The following FCHO2 variants were observed in gnomAD, a reference collection of about 807,000 sequenced individuals.
FCHO2 encodes FCH and mu domain containing endocytic adaptor 2, also known as F-BAR domain only protein 2.
In FCHO2, 43 loss-of-function variants were observed where a neutral mutation model predicts 114.1. The observed-to-expected ratio is 0.38, with a 90% CI of 0.30 to 0.49. The LOEUF is 0.49. Among genes scored for constraint, FCHO2 ranks in the 20% least tolerant of loss-of-function variants. FCHO2 has a pLI of 0.97. For missense variants in FCHO2, 807 were observed against 950.4 expected (o/e 0.85, Z 1.98); for synonymous variants, 293 against 315.2 (o/e 0.93, Z 0.75).
At chr5:73,084,816 G>A (rs1743240014) in intron 24 of FCHO2, among the ~76,000 whole-genome samples, 1 of 152,082 alleles carries the variant, frequency 6.6e-6, no homozygotes, top group South Asian at 2.1e-4. Flanking sequence ...CTTTTTTGCT[G>A]TTTGGTACTT....
At chr5:73,000,842 A>G (rs571016276) in intron 5 of FCHO2, among the ~76,000 whole-genome samples, 1 of 152,186 alleles carries the variant, frequency 6.6e-6, no homozygotes, top group South Asian at 2.1e-4. Context: ...TCCTAGTCTC[A>G]AGCCATCTTC....
At chr5:73,059,761 T>TA (rs1757766604) in intron 17 of FCHO2, among the ~76,000 whole-genome samples, 1 of 152,022 alleles carries the variant, frequency 6.6e-6, no homozygotes, top group Admixed American at 6.6e-5. Context: ...AGTGGCTTTA[T>TA]AGCCTTTCTC....
intron 5 of FCHO2, among the ~76,000 whole-genome samples, chr5:73,001,123 A>G (rs776603679): frequency 3.3e-5 from 5 of 151,586 alleles, no homozygotes; most frequent in Non-Finnish European, 5.9e-5. Flanking sequence ...CTGGTGGGGC[A>G]TGGTGGCTCA....
chr5:73,051,692 A>G (rs902884062), intron 12 of FCHO2, among the ~76,000 whole-genome samples: 4 of 151,464 alleles, frequency 2.6e-5, no homozygotes, highest in South Asian at 2.1e-4. Flanking sequence ...TCAGTCCCCC[A>G]AGTAGCTTGG....
intron 9 of FCHO2, 102 bp downstream of exon 9, chr5:73,034,803 T>TTCCATTCCATAGGTATGCTG: frequency 1.1e-6 from 1 of 883,408 alleles, no homozygotes; most frequent in Non-Finnish European, 1.7e-6. Flanking sequence ...GGTGTCAGCA[T>TTCCATTCCATAGGTATGCTG]ACCTATGGAA....
In FCHO2 at chr5:73,088,898, T is replaced by G. The variant is rs560364396; in HGVS notation, c.*808T>G. Reference sequence around the variant, plus strand: ...CAGAGATGTGCCTATACAATTTGTGTTCATTAATGTGCCTCACTTTTTTTC... The same window carrying G: ...CAGAGATGTGCCTATACAATTTGTGGTCATTAATGTGCCTCACTTTTTTTC... On this transcript the variant is annotated 3_prime_UTR_variant, in exon 26 of 26. Coordinates refer to ENST00000430046, the MANE Select transcript of FCHO2 (RefSeq NM_138782.3). 3.1e-4 allele frequency: 47 copies of G among 152,736 alleles called. No homozygotes were observed. Among genetic ancestry groups the G allele is most frequent in the African/African-American group, 1.1e-3 (47 of 41,578 alleles). The allele number at this position is 152,736 out of a possible 1,614,324, so 9.5% of individuals were successfully genotyped here.
intron 8 of FCHO2, among the ~76,000 whole-genome samples, chr5:73,033,640 A>C (rs1011431044): frequency 4.6e-5 from 7 of 152,120 alleles, no homozygotes; most frequent in African/African-American, 1.7e-4. Context: ...ACCATTAATA[A>C]ATTAAAAATT....
rs555062994 is a variant in FCHO2, at chr5:73,079,228, T to C, written c.1980+916T>C. Reference sequence around the variant, plus strand: ...AGTCTTCCAGCCTTAGCCTCCCGAGTGACTGGGACTAAAGGCACAAACCAC... The same window carrying C: ...AGTCTTCCAGCCTTAGCCTCCCGAGCGACTGGGACTAAAGGCACAAACCAC... On this transcript the variant is annotated intron_variant, in intron 22 of 25. Transcript: ENST00000430046. Among the ~76,000 whole-genome samples the C allele has an allele frequency of 4.6e-5, 7 of 152,092 alleles. No individual in the cohort carries two copies. The East Asian group carries it at 1.4e-3, about 29-fold the overall frequency.
At chr5:72,977,769 T>G (rs1049086456) in intron 2 of FCHO2, among the ~76,000 whole-genome samples, 3 of 152,208 alleles carry the variant, frequency 2.0e-5, no homozygotes, top group Admixed American at 6.5e-5. Context: ...GTTGAAGTGT[T>G]TAGCCCATCT....
rs565194448 is a variant in FCHO2, at chr5:73,053,672, G to A, written c.1174-488G>A. Among the ~76,000 whole-genome samples the A allele has an allele frequency of 7.3e-5, 11 of 151,516 alleles. No homozygotes were observed. The South Asian group carries it at 2.3e-3, about 32-fold the overall frequency. On this transcript the variant is annotated intron_variant, in intron 13 of 25. Coordinates refer to ENST00000430046, the MANE Select transcript of FCHO2 (RefSeq NM_138782.3). ...GATTGCACCACTGCACTCCAGCCTG[G>A]GTGACAGAGCGAGACTTCGTCTCAA... is the stretch of plus-strand genomic sequence containing the variant.
At chr5:73,049,670 A>G (rs149976295) in intron 11 of FCHO2, among the ~76,000 whole-genome samples, 25 of 152,234 alleles carry the variant, frequency 1.6e-4, no homozygotes, top group Non-Finnish European at 3.2e-4. Context: ...GTGTTCTTTC[A>G]ACTTATGGGA....
At chr5:73,047,891 C>T (rs1194052543) in intron 11 of FCHO2, among the ~76,000 whole-genome samples, 2 of 152,004 alleles carry the variant, frequency 1.3e-5, no homozygotes, top group African/African-American at 4.8e-5. Flanking sequence ...GGCTGGAGTG[C>T]ACTGGCACCA....
At chr5:72,977,565 G>C (rs1488698377) in intron 2 of FCHO2, among the ~76,000 whole-genome samples, 1 of 152,120 alleles carries the variant, frequency 6.6e-6, no homozygotes, top group Non-Finnish European at 1.5e-5. Flanking sequence ...CCATTCTGTA[G>C]GTTGCCTGTT....
At chr5:73,075,436 A>T (rs771454788) in intron 20 of FCHO2, among the ~76,000 whole-genome samples, 58 of 152,278 alleles carry the variant, frequency 3.8e-4, no homozygotes, top group Middle Eastern at 3.4e-3. Flanking sequence ...AGCAAGCAAA[A>T]CCATGTCACT....
chr5:73,075,345 T>G (rs552063491), intron 20 of FCHO2, among the ~76,000 whole-genome samples: 1 of 152,228 alleles, frequency 6.6e-6, no homozygotes, highest in East Asian at 1.9e-4. Context: ...CATGCAGATA[T>G]CTGAGGAAAG....
At chr5:73,076,503 G>A (rs192948572) in intron 20 of FCHO2, among the ~76,000 whole-genome samples, 36 of 152,120 alleles carry the variant, frequency 2.4e-4, no homozygotes, top group Admixed American at 2.0e-3. Flanking sequence ...CATTATTTAT[G>A]GAAAAACAGG....
intron 12 of FCHO2, among the ~76,000 whole-genome samples, chr5:73,052,099 A>G (rs1279742349): frequency 1.3e-5 from 2 of 151,630 alleles, no homozygotes; most frequent in Admixed American, 6.6e-5. Context: ...AATTTTTTGT[A>G]TTTTTAGTAG....
intron 2 of FCHO2, among the ~76,000 whole-genome samples, chr5:72,982,276 A>G (rs1007398898): frequency 7.2e-5 from 11 of 152,144 alleles, no homozygotes; most frequent in Admixed American, 7.2e-4. Flanking sequence ...TGAGCCGGGT[A>G]CCTCAGTTAG....
chr5:73,053,061 T>A (rs1360613781), intron 13 of FCHO2, among the ~76,000 whole-genome samples: 1 of 152,190 alleles, frequency 6.6e-6, no homozygotes, highest in Non-Finnish European at 1.5e-5. Flanking sequence ...TCCTCATTGA[T>A]GTCAATTTTA....
Sources: gnomAD v4.1 joint callset for allele counts (sites outside exome capture counted in the v4.1 genomes callset) on GRCh38, gnomAD v4.1.1 for gene constraint, MANE v1.5 for transcripts, NCBI Gene and HGNC (gene_info 2026-07-23, HGNC 2026-07-21) for gene names.